The following IMMP1L variants were observed in gnomAD, a reference collection of about 807,000 sequenced individuals.
IMMP1L encodes the protein inner mitochondrial membrane peptidase subunit 1.
In IMMP1L, 24 loss-of-function variants were observed where a neutral mutation model predicts 21.8. The ratio of observed to expected loss-of-function variants is 1.10; its 90% confidence interval spans 0.80 to 1.55. The LOEUF is 1.55. Among genes scored for constraint, IMMP1L ranks in the 40% most tolerant of loss-of-function variants. The probability of loss-of-function intolerance (pLI) is 0.00; values close to 1 mark genes in which losing one functional copy is unlikely to be tolerated. For missense variants in IMMP1L, 195 were observed against 200.7 expected (o/e 0.97, Z 0.17); for synonymous variants, 46 against 62.8 (o/e 0.73, Z 1.26).
At chr11:31,461,118 A>C (rs1379991798) in intron 2 of IMMP1L, among the ~76,000 whole-genome samples, 1 of 152,142 alleles carries the variant, frequency 6.6e-6, no homozygotes, top group Non-Finnish European at 1.5e-5. Flanking sequence ...AGAATAATAC[A>C]TTTTCTTATT....
At chr11:31,449,378 C>T (rs1953661243) in intron 4 of IMMP1L, among the ~76,000 whole-genome samples, 1 of 152,128 alleles carries the variant, frequency 6.6e-6, no homozygotes, top group African/African-American at 2.4e-5. Flanking sequence ...AACCTAAATA[C>T]ACAGTACACA....
intron 1 of IMMP1L, among the ~76,000 whole-genome samples, chr11:31,467,659 G>A (rs1212630195): frequency 1.3e-5 from 2 of 152,034 alleles, no homozygotes; most frequent in Admixed American, 6.6e-5. Flanking sequence ...AATGTAGAAG[G>A]AATGGTAAAA....
intron 1 of IMMP1L, among the ~76,000 whole-genome samples, chr11:31,500,612 A>C (rs10835777): frequency 0.2 from 29,418 of 145,022 alleles, 3,449 homozygotes; most frequent in African/African-American, 0.31. Flanking sequence ...CACACACACA[A>C]ACACACACAC....
intron 1 of IMMP1L, among the ~76,000 whole-genome samples, chr11:31,472,359 T>C (rs930014863): frequency 3.3e-5 from 5 of 152,194 alleles, no homozygotes; most frequent in South Asian, 2.1e-4. Flanking sequence ...ACAAGACTTA[T>C]TAGAATCAGA....
chr11:31,440,676 C>CCA, intron 4 of IMMP1L, among the ~76,000 whole-genome samples: 1 of 152,292 alleles, frequency 6.6e-6, no homozygotes, highest in Middle Eastern at 3.4e-3. Context: ...CAGTCGTGAG[C>CCA]CACTGCGCCC....
intron 1 of IMMP1L, among the ~76,000 whole-genome samples, chr11:31,494,403 C>A (rs1257594564): frequency 6.6e-6 from 1 of 152,216 alleles, no homozygotes; most frequent in Non-Finnish European, 1.5e-5. Context: ...ATGCAGGACA[C>A]CATGCCCCAG....
rs552467854 is a variant in IMMP1L, at chr11:31,467,518, TA to T, written c.-29-4214del. On this transcript the variant is annotated intron_variant, in intron 1 of 5. Coordinates refer to ENST00000532287, the MANE Select transcript of IMMP1L (RefSeq NM_001304274.2). Reference sequence around the variant, plus strand: ...ATAATAACAGTAATTGATAATACATTAAATTTGAGACAACATAAGCCTAAAA... The same window carrying T: ...ATAATAACAGTAATTGATAATACATTAATTTGAGACAACATAAGCCTAAAA... Among the ~76,000 whole-genome samples, 99 of 152,252 alleles carry T rather than the reference TA, an allele frequency of 6.5e-4. 1 individual carries two copies. The highest frequency in any genetic ancestry group is 2.3e-3 in the African/African-American group (97 of 41,544).
In IMMP1L at chr11:31,495,050, G is replaced by A. The variant is rs543362678; in HGVS notation, c.-30+14469C>T. Among the ~76,000 whole-genome samples the A allele has an allele frequency of 9.9e-5, 15 of 152,188 alleles. 1 individual carries two copies. In the South Asian group the frequency reaches 1.9e-3, roughly 19 times the overall value. ...ATTTCTTTCAAGTTCAAAGTTCCACGGATCTCCAGGGCAGTGGCAAAATGC... is the reference window on the plus strand; with the variant it reads ...ATTTCTTTCAAGTTCAAAGTTCCACAGATCTCCAGGGCAGTGGCAAAATGC... On this transcript the variant is annotated intron_variant, in intron 1 of 5. Coordinates refer to ENST00000532287, the MANE Select transcript of IMMP1L (RefSeq NM_001304274.2).
At chr11:31,472,267 A>G (rs1244635424) in intron 1 of IMMP1L, among the ~76,000 whole-genome samples, 3 of 152,246 alleles carry the variant, frequency 2.0e-5, no homozygotes, top group Non-Finnish European at 4.4e-5. Flanking sequence ...CAGGATACAG[A>G]ACATTAAACT....
chr11:31,493,465 G>A (rs1281937511), intron 1 of IMMP1L, among the ~76,000 whole-genome samples: 1 of 152,080 alleles, frequency 6.6e-6, no homozygotes, highest in Non-Finnish European at 1.5e-5. Context: ...CACAGTATGT[G>A]GGGATTATGG....
chr11:31,450,550 C>G (rs181484352), intron 4 of IMMP1L, among the ~76,000 whole-genome samples: 9 of 152,198 alleles, frequency 5.9e-5, no homozygotes, highest in Non-Finnish European at 1.3e-4. Context: ...GCACTCTGCT[C>G]TCCTGGTACA....
chr11:31,469,343 T>G (rs1464521487), intron 1 of IMMP1L, among the ~76,000 whole-genome samples: 12 of 151,976 alleles, frequency 7.9e-5, no homozygotes, highest in Non-Finnish European at 1.3e-4. Context: ...TTAAAATAAC[T>G]ATGATTAACA....
intron 1 of IMMP1L, among the ~76,000 whole-genome samples, chr11:31,497,827 T>C (rs1955504619): frequency 6.6e-6 from 1 of 152,220 alleles, no homozygotes; most frequent in Non-Finnish European, 1.5e-5. Context: ...TAAGTACTCT[T>C]AATGTGACTT....
In IMMP1L at chr11:31,444,993, C is replaced by T. The variant is rs554050119; in HGVS notation, c.321+11267G>A. Among the ~76,000 whole-genome samples, 9 of 152,200 alleles carry T rather than the reference C, an allele frequency of 5.9e-5. No individual in the cohort carries two copies. In the South Asian group the frequency reaches 1.9e-3, roughly 32 times the overall value. ...CCAATACTATTGTCCCTGTGTTTTA[C>T]CTCTGTCTCTTTGTAAATACAATGT... On this transcript the variant is annotated intron_variant, in intron 4 of 5. Coordinates refer to ENST00000532287, the MANE Select transcript of IMMP1L (RefSeq NM_001304274.2).
intron 4 of IMMP1L, among the ~76,000 whole-genome samples, chr11:31,445,234 G>C (rs902907284): frequency 6.6e-6 from 1 of 152,110 alleles, no homozygotes; most frequent in African/African-American, 2.4e-5. Context: ...CAGAAAAACA[G>C]TTCTGAACAG....
intron 1 of IMMP1L, among the ~76,000 whole-genome samples, chr11:31,488,687 T>C (rs768242808): frequency 9.9e-5 from 15 of 151,990 alleles, no homozygotes; most frequent in Non-Finnish European, 1.9e-4. Flanking sequence ...ACTAGTGATA[T>C]AAGACTAAAT....
At chr11:31,485,103 C>A (rs1044766478) in intron 1 of IMMP1L, among the ~76,000 whole-genome samples, 3 of 151,768 alleles carry the variant, frequency 2.0e-5, no homozygotes, top group Admixed American at 1.3e-4. Flanking sequence ...AAATGCATTT[C>A]ACTTCTAAAT....
chr11:31,496,655 C>A (rs1371085266), intron 1 of IMMP1L, among the ~76,000 whole-genome samples: 1 of 150,354 alleles, frequency 6.7e-6, no homozygotes, highest in Admixed American at 6.6e-5. Flanking sequence ...AATATGTTAT[C>A]TTATATATAT....
Position 31,489,193 on chromosome 11 carries a change from G to A in IMMP1L, c.-30+20326C>T, listed in dbSNP as rs138602868. 7.7e-3 allele frequency among the ~76,000 whole-genome samples: 1,177 copies of A among 152,008 alleles called. 15 individuals carry two copies. Among genetic ancestry groups the A allele is most frequent in the African/African-American group, 0.025 (1,022 of 41,474 alleles). Reference sequence around the variant, plus strand: ...ATTACAGGCATGAGTCACCGCACCCGGCCAAAAAGTTTTATTTTTATTTGA... The same window carrying A: ...ATTACAGGCATGAGTCACCGCACCCAGCCAAAAAGTTTTATTTTTATTTGA... On this transcript the variant is annotated intron_variant, in intron 1 of 5. Coordinates refer to ENST00000532287, the MANE Select transcript of IMMP1L (RefSeq NM_001304274.2).
Sources: gnomAD v4.1 joint callset for allele counts (sites outside exome capture counted in the v4.1 genomes callset) on GRCh38, gnomAD v4.1.1 for gene constraint, MANE v1.5 for transcripts, NCBI Gene and HGNC (gene_info 2026-07-23, HGNC 2026-07-21) for gene names.